SETD2: variants seen among roughly 807,000 people sequenced by gnomAD.
SETD2 encodes histone-lysine N-methyltransferase SETD2.
Under a neutral mutation model 242.1 loss-of-function variants are expected in SETD2, and 31 were observed. That is an observed-to-expected ratio of 0.13 (90% CI 0.10 to 0.17). SETD2 has a LOEUF of 0.17. Among genes scored for constraint, SETD2 ranks in the 10% least tolerant of loss-of-function variants. SETD2 has a pLI of 1.00. For synonymous variants in SETD2, 1,006 were observed against 1,066.5 expected (o/e 0.94, Z 1.11); for missense variants, 2,481 against 3,046.3 (o/e 0.81, Z 4.37).
chr3:47,037,190 T>C (rs1477344044), intron 18 of SETD2, among the ~76,000 whole-genome samples: 1 of 151,136 alleles, frequency 6.6e-6, no homozygotes, highest in Non-Finnish European at 1.5e-5. Flanking sequence ...GCAGGTTTGT[T>C]ACATATGTAT....
chr3:47,049,871 C>T, intron 15 of SETD2, among the ~76,000 whole-genome samples: 1 of 139,828 alleles, frequency 7.2e-6, no homozygotes, highest in African/African-American at 2.6e-5. Context: ...TAAATTTATT[C>T]TGAGTTTATA....
intron 1 of SETD2, among the ~76,000 whole-genome samples, chr3:47,127,232 C>A (rs1404240153): frequency 6.6e-6 from 1 of 151,622 alleles, no homozygotes; most frequent in East Asian, 1.9e-4. Context: ...GTGGCGTGCA[C>A]TTATAGTCCC....
At chr3:47,019,486 A>C (rs2038124250) in intron 19 of SETD2, among the ~76,000 whole-genome samples, 1 of 152,222 alleles carries the variant, frequency 6.6e-6, no homozygotes, top group Non-Finnish European at 1.5e-5. Context: ...GCAGCCTACC[A>C]CTACAGACAG....
chr3:47,097,098 A>G (rs2042039634), intron 9 of SETD2, among the ~76,000 whole-genome samples: 1 of 152,198 alleles, frequency 6.6e-6, no homozygotes, highest in South Asian at 2.1e-4. Context: ...GCTGTCATCT[A>G]TAGTTCTTAT....
rs2106682546 is a variant in SETD2, at chr3:47,122,598, C to T, written c.2038G>A (p.Glu680Lys). Residue 680 changes from glutamate to lysine, a missense_variant, in exon 3 of 21, where the codon GAA becomes AAA. Coordinates refer to ENST00000409792, the MANE Select transcript of SETD2 (RefSeq NM_014159.7). ...ELNINGSPGA[E>K]SDLATFCTSK... ...GTGCAAAATGTTGCCAAATCAGATT[C>T]TGCCCCAGGAGATCCATTTATATTT... The T allele has an allele frequency of 6.2e-7, 1 of 1,614,082 alleles. No homozygotes were observed. The highest frequency in any genetic ancestry group is 8.5e-7 in the Non-Finnish European group (1 of 1,179,996).
chr3:47,042,460 G>T, intron 17 of SETD2, 101 bp downstream of exon 17: 1 of 1,138,838 alleles, frequency 8.8e-7, no homozygotes, highest in Non-Finnish European at 1.3e-6. Context: ...ACAGTGAAAA[G>T]CTAATGACAA....
At chr3:47,143,288 C>T (rs2043775426) in intron 1 of SETD2, among the ~76,000 whole-genome samples, 1 of 151,948 alleles carries the variant, frequency 6.6e-6, no homozygotes, top group African/African-American at 2.4e-5. Context: ...AGCAAGACCC[C>T]GTCTCAAAAA....
chr3:47,055,596 G>A (rs1390980253), intron 15 of SETD2, among the ~76,000 whole-genome samples: 1 of 152,008 alleles, frequency 6.6e-6, no homozygotes, highest in Non-Finnish European at 1.5e-5. Flanking sequence ...CTATTTGGGA[G>A]GTGGGAAGAT....
chr3:47,159,584 G>C (rs1300929511), intron 1 of SETD2, among the ~76,000 whole-genome samples: 3 of 152,068 alleles, frequency 2.0e-5, no homozygotes, highest in Non-Finnish European at 4.4e-5. Context: ...TGTTCCCTTT[G>C]CAATTCAAAT....
chr3:47,021,548 T>G (rs2038220396), intron 18 of SETD2, among the ~76,000 whole-genome samples: 1 of 152,114 alleles, frequency 6.6e-6, no homozygotes, highest in Non-Finnish European at 1.5e-5. Flanking sequence ...TCTAGGAGCT[T>G]TCTTGGTCCT....
chr3:47,034,501 C>T (rs935874442), intron 18 of SETD2, among the ~76,000 whole-genome samples: 2 of 152,110 alleles, frequency 1.3e-5, no homozygotes, highest in Non-Finnish European at 2.9e-5. Flanking sequence ...GTCTCTACAA[C>T]AATTTTTAAC....
In SETD2 at chr3:47,056,810, G is replaced by T. The variant is rs2040101502; in HGVS notation, c.6963+11C>A. On this transcript the variant is annotated intron_variant, in intron 15 of 20. Transcript: ENST00000409792. ...CATAAAGCAGAAAAGAAAAGTTTCA[G>T]AATTAGTTACCTGTACAATTGGTGG... 1.2e-6 allele frequency: 2 copies of T among 1,606,594 alleles called. No homozygotes were observed. Among genetic ancestry groups the T allele is most frequent in the South Asian group, 1.1e-5 (1 of 90,828 alleles).
At chr3:47,105,922 A>C (rs2107695134) in intron 6 of SETD2, 75 bp downstream of exon 6, 1 of 1,470,434 alleles carries the variant, frequency 6.8e-7, no homozygotes, top group Non-Finnish European at 9.2e-7. Flanking sequence ...AAAAAAAAAA[A>C]AAATCAAATC....
chr3:47,156,739 T>C (rs1051661259), intron 1 of SETD2, among the ~76,000 whole-genome samples: 18 of 152,162 alleles, frequency 1.2e-4, no homozygotes, highest in Admixed American at 5.9e-4. Context: ...GATTCAACTG[T>C]CTATAAAGCT....
intron 19 of SETD2, among the ~76,000 whole-genome samples, chr3:47,019,111 G>A (rs923962622): frequency 2.6e-5 from 4 of 152,238 alleles, no homozygotes; most frequent in African/African-American, 9.6e-5. Flanking sequence ...CAAGTTTAGT[G>A]TCTTGATGGT....
intron 16 of SETD2, among the ~76,000 whole-genome samples, chr3:47,045,391 G>A (rs1239876880): frequency 1.3e-5 from 2 of 151,852 alleles, no homozygotes; most frequent in South Asian, 2.1e-4. Flanking sequence ...GGTGGCGGGC[G>A]CCTGTAGTCC....
chr3:47,045,380 T>C (rs1265556665), intron 16 of SETD2, among the ~76,000 whole-genome samples: 4 of 151,732 alleles, frequency 2.6e-5, no homozygotes, highest in Non-Finnish European at 4.4e-5. Flanking sequence ...TAGCCAGGCG[T>C]GGTGGCGGGC....
At position 47,122,388 on chromosome 3, in the gene SETD2, C is replaced by G. The variant is rs547767170; in HGVS notation, c.2248G>C (p.Glu750Gln). The G allele has an allele frequency of 9.9e-6, 16 of 1,614,082 alleles. No individual in the cohort carries two copies. Among genetic ancestry groups the G allele is most frequent in the Non-Finnish European group, 1.4e-5 (16 of 1,179,978 alleles). Reference sequence around the variant, plus strand: ...TCTTGGTGTGGTGACACCAGAGGTTCTGTTTCTCTAAATGGGCTTTCTGAC... The same window carrying G: ...TCTTGGTGTGGTGACACCAGAGGTTGTGTTTCTCTAAATGGGCTTTCTGAC... ...KKSESPFRET[E>Q]PLVSPHQDKL... is the part of the protein sequence containing the mutation. Residue 750 changes from glutamate (E) to glutamine (Q), a missense_variant, in exon 3 of 21, where the codon GAA (glutamate) becomes CAA (glutamine). Physicochemically the swap from Glu to Gln is conservative, Grantham distance 29 (BLOSUM62 2). Transcript: ENST00000409792.
At chr3:47,096,339 G>A (rs1373942997) in intron 9 of SETD2, among the ~76,000 whole-genome samples, 2 of 152,148 alleles carry the variant, frequency 1.3e-5, no homozygotes, top group Non-Finnish European at 2.9e-5. Context: ...CTTATTGTGA[G>A]AATTAAATGA....
Sources: allele counts gnomAD v4.1 joint callset (sites outside exome capture counted in the v4.1 genomes callset), GRCh38; gene constraint gnomAD v4.1.1; transcripts MANE v1.5; gene names NCBI Gene and HGNC (gene_info 2026-07-23, HGNC 2026-07-21).